Variants in XRN2 observed in about 807,000 individuals in gnomAD.
XRN2 encodes 5'-3' exoribonuclease 2, also known as DHM1-like protein.
A neutral mutation model predicts 138.5 loss-of-function variants in XRN2; 44 were observed. The observed-to-expected ratio is 0.32, with a 90% confidence interval of 0.25 to 0.41. The LOEUF (loss-of-function observed/expected upper bound fraction) is 0.41, where lower values mean the gene tolerates loss of function less well. Among genes scored for constraint, XRN2 ranks in the 10% least tolerant of loss-of-function variants. The pLI is 1.00. For synonymous variants in XRN2, 354 were observed against 369.4 expected (o/e 0.96, Z 0.48); for missense variants, 937 against 1,169.3 (o/e 0.80, Z 2.90).
intron 6 of XRN2, 124 bp from the exon 7 acceptor site, chr20:21,331,437 A>ACACC (rs1491244463): frequency 4.6e-5 from 31 of 680,326 alleles, no homozygotes; most frequent in African/African-American, 4.2e-4. Flanking sequence ...ACACACACAC[A>ACACC]CCCTTATTCA....
rs2037764487 is a variant in XRN2 at position 21,303,352 on chromosome 20, G to A, written c.-47G>A. 4 of 1,539,440 alleles carry A rather than the reference G, an allele frequency of 2.6e-6. No homozygotes were observed. The highest frequency in any genetic ancestry group is 1.4e-5 in the African/African-American group (1 of 71,324). On this transcript the variant is annotated 5_prime_UTR_variant, in exon 1 of 30. Coordinates refer to ENST00000377191, the MANE Select transcript of XRN2 (RefSeq NM_012255.5). ...CTCTGCCGCTGCTCCCGTCTCTTTG[G>A]TTACGCTCGTCAGCCGGTCGGCCGC...
rs547443816 is a variant in XRN2, at chr20:21,356,061, T to C, written c.2021-19T>C. 8.1e-6 allele frequency: 13 copies of C among 1,596,544 alleles called. No individual in the cohort carries two copies. Among genetic ancestry groups the C allele is most frequent in the African/African-American group, 2.7e-5 (2 of 74,074 alleles). ...ACAATTTTTTTATGTGTAGGTCTTATTCTTTTCTTTCTCCCTAGCCAGAAG... is the reference window on the plus strand; with the variant it reads ...ACAATTTTTTTATGTGTAGGTCTTACTCTTTTCTTTCTCCCTAGCCAGAAG... On this transcript the variant is annotated intron_variant, in intron 21 of 29. Coordinates refer to ENST00000377191, the MANE Select transcript of XRN2 (RefSeq NM_012255.5).
At chr20:21,335,262 C>G (rs2038269594) in intron 13 of XRN2, among the ~76,000 whole-genome samples, 1 of 152,070 alleles carries the variant, frequency 6.6e-6, no homozygotes, top group Non-Finnish European at 1.5e-5. Context: ...GCAAGGGAGG[C>G]CAGCAGTGGG....
chr20:21,328,720 A>G, intron 4 of XRN2, 50 bp downstream of exon 4: 1 of 1,544,144 alleles, frequency 6.5e-7, no homozygotes, highest in Non-Finnish European at 8.8e-7. Flanking sequence ...ATGTATGCAG[A>G]ATGAGGGGGT....
chr20:21,382,237 A>T (rs1417439022), intron 28 of XRN2, among the ~76,000 whole-genome samples, 180 bp downstream of exon 28: 2 of 152,206 alleles, frequency 1.3e-5, no homozygotes, highest in Non-Finnish European at 2.9e-5. Flanking sequence ...TAAAAGACTC[A>T]TGTTTAATAT....
chr20:21,317,437 C>G (rs747452908), intron 1 of XRN2, among the ~76,000 whole-genome samples: 8 of 151,996 alleles, frequency 5.3e-5, no homozygotes, highest in Non-Finnish European at 8.8e-5. Context: ...ACTAACTTTG[C>G]ATTTCTAGGA....
chr20:21,348,275 CAT>C, intron 18 of XRN2, 22 bp downstream of exon 18: 6 of 1,612,110 alleles, frequency 3.7e-6, no homozygotes, highest in Non-Finnish European at 5.1e-6. Flanking sequence ...TACTTAAAGT[CAT>C]AAAGTTTATA....
At chr20:21,339,203 A>G (rs981248950) in intron 14 of XRN2, 115 bp downstream of exon 14, 14 of 1,015,542 alleles carry the variant, frequency 1.4e-5, no homozygotes, top group Non-Finnish European at 1.9e-5. Context: ...CAGGGACGTA[A>G]GTGTCCACCC....
intron 1 of XRN2, among the ~76,000 whole-genome samples, chr20:21,305,020 T>G (rs2037796196): frequency 6.6e-6 from 1 of 152,210 alleles, no homozygotes; most frequent in African/African-American, 2.4e-5. Context: ...TCCCTGGGGC[T>G]GTCTTTCTTT....
chr20:21,388,221 G>A (rs1365970867), intron 29 of XRN2, among the ~76,000 whole-genome samples: 1 of 152,200 alleles, frequency 6.6e-6, no homozygotes, highest in African/African-American at 2.4e-5. Flanking sequence ...AGGAGAACTG[G>A]TAGCTGGCTG....
At chr20:21,334,463 T>A (rs534878887) in intron 13 of XRN2, among the ~76,000 whole-genome samples, 4 of 152,312 alleles carry the variant, frequency 2.6e-5, no homozygotes, top group African/African-American at 9.6e-5. Flanking sequence ...TCAATAGGAT[T>A]TGAAATGCGG....
At chr20:21,340,946 A>G in intron 15 of XRN2, 94 bp downstream of exon 15, 1 of 1,449,098 alleles carries the variant, frequency 6.9e-7, no homozygotes, top group African/African-American at 1.4e-5. Flanking sequence ...CACAGCCTGG[A>G]GTTTTGTTTT....
intron 28 of XRN2, among the ~76,000 whole-genome samples, chr20:21,382,843 G>A (rs1004312229): frequency 9.2e-5 from 14 of 152,318 alleles, no homozygotes; most frequent in African/African-American, 3.4e-4. Flanking sequence ...GCTTTAAGAT[G>A]TATCATTTCA....
intron 27 of XRN2, among the ~76,000 whole-genome samples, chr20:21,375,826 A>ATTTT (rs754309361): frequency 6.9e-6 from 1 of 145,270 alleles, no homozygotes; most frequent in African/African-American, 2.5e-5. Context: ...TTATTTATTT[A>ATTTT]TTTTTTATTT....
At chr20:21,349,255 T>C (rs1266262741) in intron 19 of XRN2, 134 bp from the exon 20 acceptor site, 1 of 674,302 alleles carries the variant, frequency 1.5e-6, no homozygotes, top group Non-Finnish European at 2.6e-6. Context: ...ACCTAATGTC[T>C]CTTAACATTT....
At position 21,389,296 on chromosome 20, in the gene XRN2, A is replaced by T; in HGVS notation, c.2811A>T (p.Lys937Asn). Residue 937 changes from lysine to asparagine, a missense_variant, in exon 30 of 30, where the codon AAA becomes AAT. By Grantham distance (94) the Lys-to-Asn change is moderately conservative (BLOSUM62 0). Around this residue, in one of 6 missense-constraint regions of XRN2, gnomAD observed 372 missense variants for 414.4 expected, o/e 0.90. Coordinates refer to ENST00000377191, the MANE Select transcript of XRN2 (RefSeq NM_012255.5). The part of the protein sequence containing the change: ...GRQGYPREGR[K>N]YPLPPPSGRY... ...AGGGATATCCCAGAGAAGGAAGGAAATACCCTTTGCCACCACCCTCAGGAA... is the reference window on the plus strand; with the variant it reads ...AGGGATATCCCAGAGAAGGAAGGAATTACCCTTTGCCACCACCCTCAGGAA... The T allele has an allele frequency of 6.2e-7, 1 of 1,613,514 alleles. No homozygotes were observed. Among genetic ancestry groups the T allele is most frequent in the South Asian group, 1.1e-5 (1 of 90,946 alleles).
rs536363712 is a variant in XRN2, at chr20:21,362,073, TTTGTA to T, written c.2256-3340_2256-3336del. Among the ~76,000 whole-genome samples, 560 of 152,258 alleles carry T rather than the reference TTTGTA, an allele frequency of 3.7e-3. 3 individuals carry two copies. The highest frequency in any genetic ancestry group is 0.013 in the African/African-American group (535 of 41,544). ...ATACTCCTTTTCTATCTCCTAATGG[TTTGTA>T]TTGTATTAAGTGTGTAGATCCTTTT... On this transcript the variant is annotated intron_variant, in intron 24 of 29. Transcript: ENST00000377191.
intron 1 of XRN2, among the ~76,000 whole-genome samples, chr20:21,322,821 C>T (rs1217665251): frequency 6.6e-6 from 1 of 152,098 alleles, no homozygotes; most frequent in East Asian, 1.9e-4. Flanking sequence ...AAATATATCC[C>T]CTGCTTTATC....
At chr20:21,385,184 A>C (rs1237323563) in intron 28 of XRN2, among the ~76,000 whole-genome samples, 5 of 152,220 alleles carry the variant, frequency 3.3e-5, no homozygotes, top group Non-Finnish European at 7.3e-5. Context: ...ATGCCAGCAG[A>C]TCTTCCTAAA....
Sources: allele counts gnomAD v4.1 joint callset (sites outside exome capture counted in the v4.1 genomes callset), GRCh38; gene constraint gnomAD v4.1.1; regional missense constraint gnomAD v4.1.1; transcripts MANE v1.5; gene names NCBI Gene and HGNC (gene_info 2026-07-23, HGNC 2026-07-21).